The following NXPE1 variants were observed in gnomAD, a reference collection of about 807,000 sequenced individuals.
NXPE1 encodes the protein neurexophilin and PC-esterase domain family member 1.
In NXPE1, 31 loss-of-function variants were observed where a neutral mutation model predicts 33.3. The ratio of observed to expected loss-of-function variants is 0.93; its 90% CI spans 0.70 to 1.26. The LOEUF (loss-of-function observed/expected upper bound fraction) is 1.26. Ranked by LOEUF, NXPE1 falls within the 50% of genes most tolerant of loss-of-function variation. The probability of loss-of-function intolerance (pLI) is 0.00; values close to 1 mark genes in which losing one functional copy is unlikely to be tolerated. For synonymous variants in NXPE1, 229 were observed against 231.4 expected (o/e 0.99, Z 0.09); for missense variants, 661 against 655.6 (o/e 1.01, Z -0.09).
At chr11:114,521,838 C>G in exon 9 of NXPE1, 1 of 695,740 alleles carries the variant, frequency 1.4e-6, no homozygotes, top group South Asian at 2.1e-5. Flanking sequence ...CCTTACATAG[C>G]CTTCCTCCCC....
At chr11:114,523,280 G>T (rs1947271709) in intron 7 of NXPE1, among the ~76,000 whole-genome samples, 189 bp from the exon 8 acceptor site, 1 of 151,916 alleles carries the variant, frequency 6.6e-6, no homozygotes, top group Admixed American at 6.6e-5. Flanking sequence ...TCCTTTAAGA[G>T]ATTTTGAGTC....
At chr11:114,529,992 C>T in intron 6 of NXPE1, 183 bp downstream of exon 6, 2 of 590,090 alleles carry the variant, frequency 3.4e-6, no homozygotes, top group Non-Finnish European at 5.9e-6. Flanking sequence ...CTGAATGGGA[C>T]AATATAGTGA....
Position 114,521,655 on chromosome 11 carries a change from A to G in NXPE1, c.*313T>C, listed in dbSNP as rs1202381014. 4 of 258,408 alleles carry G rather than the reference A, an allele frequency of 1.5e-5. No individual in the cohort carries two copies. The South Asian group carries it at 2.1e-4, about 14-fold the overall frequency. The allele number at this position is 258,408 out of a possible 1,614,324, so 16.0% of individuals were successfully genotyped here. ...CAATAGACAGAGCTAGGAAATATCT[A>G]TATTGGAAATAGAAAGCATCATGAA... On this transcript the variant is annotated 3_prime_UTR_variant, in exon 9 of 9. Transcript: ENST00000534921.
At chr11:114,545,329 G>A (rs532817903) in intron 5 of NXPE1, among the ~76,000 whole-genome samples, 1 of 152,288 alleles carries the variant, frequency 6.6e-6, no homozygotes, top group East Asian at 1.9e-4. Flanking sequence ...TCTTCAGTAG[G>A]TGAATATAGA....
chr11:114,519,501 T>G (rs935525807), downstream of NXPE1, among the ~76,000 whole-genome samples: 2 of 152,226 alleles, frequency 1.3e-5, no homozygotes, highest in African/African-American at 4.8e-5. Context: ...CTTTTAAAAA[T>G]ACATGTTTTT....
exon 6 of NXPE1, chr11:114,530,877 A>G: frequency 2.5e-6 from 4 of 1,612,824 alleles, no homozygotes; most frequent in Non-Finnish European, 3.4e-6. Flanking sequence ...CCAGTAATGG[A>G]CAGAGATGGA....
Position 114,554,832 on chromosome 11 carries a change from TC to T in NXPE1, c.-210-1953del, listed in dbSNP as rs565111283. Among the ~76,000 whole-genome samples the T allele has an allele frequency of 3.4e-3, 524 of 152,302 alleles. 4 individuals carry two copies. The highest frequency in any genetic ancestry group is 0.027 in the South Asian group (131 of 4,828). ...AGTGAAAATAAAGGTGTTATTTTTT[TC>T]CCATTCAGGTTCACAGGCCTCCTAA... On this transcript the variant is annotated intron_variant, in intron 1 of 8. Coordinates refer to ENST00000534921, the Ensembl canonical transcript of NXPE1.
At chr11:114,532,017 A>G (rs7128010) in intron 5 of NXPE1, among the ~76,000 whole-genome samples, 34,475 of 152,136 alleles carry the variant, frequency 0.23, 5,504 homozygotes, top group African/African-American at 0.44. Flanking sequence ...AAGCCTCAAA[A>G]GCAATCTTAG....
rs1295640721 is a variant in NXPE1, at chr11:114,530,722, TG to T, written c.285del (p.Thr96ProfsTer29). 2.5e-6 allele frequency: 4 copies of T among 1,614,014 alleles called. No individual in the cohort carries two copies. In the African/African-American group the frequency reaches 5.3e-5, roughly 22 times the overall value. ...GTGGCTGTGCTGTGTGTGGCACTGG[TG>T]GTGGTGTTCACATGGGTGAAAGGTC... On this transcript the variant is annotated frameshift_variant, in exon 6 of 9. Coordinates refer to ENST00000534921, the Ensembl canonical transcript of NXPE1. LOFTEE classifies it high-confidence loss of function.
At chr11:114,537,708 G>T (rs1243027323) in intron 5 of NXPE1, among the ~76,000 whole-genome samples, 3 of 151,856 alleles carry the variant, frequency 2.0e-5, no homozygotes, top group Non-Finnish European at 1.5e-5. Flanking sequence ...AAAATACCTA[G>T]GAATCCAACT....
chr11:114,538,702 A>T (rs1022536195), intron 5 of NXPE1, among the ~76,000 whole-genome samples: 4 of 152,246 alleles, frequency 2.6e-5, no homozygotes, highest in African/African-American at 9.6e-5. Flanking sequence ...ATCACTGGCC[A>T]TCAGAGAAAT....
At chr11:114,547,592 G>A (rs558398423) in intron 5 of NXPE1, among the ~76,000 whole-genome samples, 8 of 152,034 alleles carry the variant, frequency 5.3e-5, no homozygotes, top group South Asian at 2.1e-4. Flanking sequence ...AAAATTAGCC[G>A]GGTGTGCTGG....
exon 9 of NXPE1, chr11:114,521,952 G>T (rs775517575): frequency 2.6e-5 from 41 of 1,566,616 alleles, no homozygotes; most frequent in Non-Finnish European, 3.4e-5. Flanking sequence ...TAGTGATTTT[G>T]TATAGTATTT....
At chr11:114,520,460 G>A (rs893905010), downstream of NXPE1, among the ~76,000 whole-genome samples, 4 of 152,136 alleles carry the variant, frequency 2.6e-5, no homozygotes, top group African/African-American at 9.7e-5. Flanking sequence ...CTTTTGTAAG[G>A]CTGAATGATA....
chr11:114,534,020 C>T (rs1591271865), intron 5 of NXPE1, among the ~76,000 whole-genome samples: 1 of 152,220 alleles, frequency 6.6e-6, no homozygotes, highest in African/African-American at 2.4e-5. Flanking sequence ...AGTAGCCTAA[C>T]TGGGAGGCAC....
intron 7 of NXPE1, among the ~76,000 whole-genome samples, chr11:114,523,385 T>C (rs189607931): frequency 6.6e-6 from 1 of 152,306 alleles, no homozygotes; most frequent in Admixed American, 6.5e-5. Flanking sequence ...CCTTTTTTCC[T>C]GACTCTGTGG....
At chr11:114,522,249 T>A in exon 9 of NXPE1, 1 of 1,614,126 alleles carries the variant, frequency 6.2e-7, no homozygotes, top group Non-Finnish European at 8.5e-7. Flanking sequence ...TGAACACCGA[T>A]GGCCCTGCGA....
At chr11:114,543,320 T>A (rs542366137) in intron 5 of NXPE1, among the ~76,000 whole-genome samples, 5 of 151,522 alleles carry the variant, frequency 3.3e-5, no homozygotes, top group South Asian at 4.2e-4. Context: ...TGCACCATTG[T>A]ATTCCATGCA....
intron 7 of NXPE1, chr11:114,526,776 A>G (rs1302390025): frequency 6.6e-5 from 10 of 152,234 alleles, no homozygotes; most frequent in Non-Finnish European, 1.2e-4. Flanking sequence ...CTAACAAGGA[A>G]TAATTTTTTA....
Sources: allele counts gnomAD v4.1 joint callset (sites outside exome capture counted in the v4.1 genomes callset), GRCh38; gene constraint gnomAD v4.1.1; transcripts MANE v1.5; gene names NCBI Gene and HGNC (gene_info 2026-07-23, HGNC 2026-07-21).